TMEM11: variants seen among roughly 807,000 people sequenced by gnomAD.
TMEM11 encodes the protein transmembrane protein 11, mitochondrial.
TMEM11 carries 1 observed loss-of-function variant against 17.0 expected under a neutral mutation model. That is an observed-to-expected ratio of 0.06 (90% confidence interval 0.02 to 0.28). TMEM11 has a LOEUF of 0.28. TMEM11 is among the 10% of genes least tolerant of loss of function. The probability of loss-of-function intolerance (pLI) is 1.00; values close to 1 mark genes in which losing one functional copy is unlikely to be tolerated. For synonymous variants in TMEM11, 122 were observed against 118.1 expected (o/e 1.03, Z -0.21); for missense variants, 172 against 252.9 (o/e 0.68, Z 2.17).
chr17:21,202,015 G>A (rs1177748845), intron 1 of TMEM11, among the ~76,000 whole-genome samples: 5 of 152,230 alleles, frequency 3.3e-5, no homozygotes, highest in Non-Finnish European at 4.4e-5. Flanking sequence ...GCTGAAGGCC[G>A]AGCAGTGCCC....
At chr17:21,208,214 A>G (rs773660805) in intron 1 of TMEM11, among the ~76,000 whole-genome samples, 11 of 150,250 alleles carry the variant, frequency 7.3e-5, no homozygotes, top group African/African-American at 1.5e-4. Flanking sequence ...GGATGGTCTC[A>G]ATCTCCTGAC....
intron 1 of TMEM11, among the ~76,000 whole-genome samples, chr17:21,207,686 C>T (rs1428231040): frequency 6.6e-6 from 1 of 151,278 alleles, no homozygotes; most frequent in East Asian, 2.0e-4. Flanking sequence ...TCAGGAGTTT[C>T]AGACCAGCCT....
rs1974840390 is a variant in TMEM11, at chr17:21,198,194, T to G, written c.*130A>C. The G allele has an allele frequency of 1.2e-5, 15 of 1,247,880 alleles. No individual in the cohort carries two copies. Among genetic ancestry groups the G allele is most frequent in the Admixed American group, 7.0e-5 (3 of 43,148 alleles). The allele number at this position is 1,247,880 out of a possible 1,614,324, so 77.3% of individuals were successfully genotyped here. ...CCTGGGTACACCCGTGATCTGTTAT[T>G]TTTTAAAAATAACAAATACTAAGCC... On this transcript the variant is annotated 3_prime_UTR_variant, in exon 2 of 2. Transcript: ENST00000317635. The surrounding 1 kb of genome is among the most constrained non-coding windows in gnomAD (Gnocchi z 6.5).
At chr17:21,203,481 C>G (rs1432318559) in intron 1 of TMEM11, among the ~76,000 whole-genome samples, 1 of 137,758 alleles carries the variant, frequency 7.3e-6, no homozygotes, top group African/African-American at 2.5e-5. Flanking sequence ...CTTTGGGAGG[C>G]AAAGGTGTGC....
chr17:21,211,754 A>G (rs1222799171), intron 1 of TMEM11, among the ~76,000 whole-genome samples: 1 of 152,196 alleles, frequency 6.6e-6, no homozygotes, highest in African/African-American at 2.4e-5. Flanking sequence ...CCCAAACCAG[A>G]TAATGTTTCC....
At chr17:21,212,261 C>A (rs562436415) in intron 1 of TMEM11, among the ~76,000 whole-genome samples, 10 of 152,176 alleles carry the variant, frequency 6.6e-5, no homozygotes, top group African/African-American at 2.4e-4. Flanking sequence ...ACAACATCTG[C>A]GTGTGTGAGT....
intron 1 of TMEM11, among the ~76,000 whole-genome samples, chr17:21,204,648 AG>A (rs1974923335): frequency 6.6e-6 from 1 of 152,026 alleles, no homozygotes; most frequent in African/African-American, 2.4e-5. Context: ...ACTGGTCACT[AG>A]GGAGGGAACT....
chr17:21,199,116 A>G (rs192264172), intron 1 of TMEM11, among the ~76,000 whole-genome samples: 1 of 151,530 alleles, frequency 6.6e-6, no homozygotes, highest in Non-Finnish European at 1.5e-5. Flanking sequence ...GTCAGGAGTT[A>G]GAGACCAGCC....
chr17:21,209,256 G>GATTC (rs1974976911), intron 1 of TMEM11, among the ~76,000 whole-genome samples: 1 of 152,202 alleles, frequency 6.6e-6, no homozygotes, highest in African/African-American at 2.4e-5. Context: ...CGAGAGGGTG[G>GATTC]ATTCAAGTTC....
intron 1 of TMEM11, among the ~76,000 whole-genome samples, chr17:21,209,028 G>T (rs923680055): frequency 6.6e-6 from 1 of 152,242 alleles, no homozygotes; most frequent in African/African-American, 2.4e-5. Flanking sequence ...GGGACCCACA[G>T]AAAGCAGAGG....
chr17:21,199,258 C>T (rs920572684), intron 1 of TMEM11, among the ~76,000 whole-genome samples: 2 of 135,298 alleles, frequency 1.5e-5, no homozygotes, highest in African/African-American at 5.7e-5. Context: ...ACCTGGGAGG[C>T]GGAGCTTGCA....
chr17:21,203,091 C>A (rs1974900200), intron 1 of TMEM11, among the ~76,000 whole-genome samples: 1 of 152,194 alleles, frequency 6.6e-6, no homozygotes, highest in Non-Finnish European at 1.5e-5. Context: ...GCTTTTAAAG[C>A]CAGTTAGGCA....
intron 1 of TMEM11, among the ~76,000 whole-genome samples, chr17:21,205,474 G>GT (rs1267906655): frequency 1.3e-5 from 2 of 152,136 alleles, no homozygotes; most frequent in African/African-American, 4.8e-5. Flanking sequence ...GGCAGGCCAG[G>GT]GTAACGCTAG....
chr17:21,212,712 T>C (rs1236108620), intron 1 of TMEM11, among the ~76,000 whole-genome samples: 1 of 152,266 alleles, frequency 6.6e-6, no homozygotes, highest in Non-Finnish European at 1.5e-5. Context: ...TCGGCTCTTT[T>C]CAGATGCTTT....
At chr17:21,210,896 T>C in intron 1 of TMEM11, 1 of 1,246,454 alleles carries the variant, frequency 8.0e-7, no homozygotes, top group South Asian at 1.3e-5. Flanking sequence ...CTTCACGTGA[T>C]TATAAAAACA....
At chr17:21,213,937 G>T in intron 1 of TMEM11, 154 bp downstream of exon 1, 1 of 718,254 alleles carries the variant, frequency 1.4e-6, no homozygotes, top group South Asian at 1.9e-5. Flanking sequence ...CCCGGATCCC[G>T]GATCCTCCGG....
chr17:21,209,970 A>C (rs1270944887), intron 1 of TMEM11, among the ~76,000 whole-genome samples: 1 of 152,178 alleles, frequency 6.6e-6, no homozygotes, highest in African/African-American at 2.4e-5. Context: ...TGCTGGCACC[A>C]GGGCGGAACA....
chr17:21,204,051 G>A (rs1424341963), intron 1 of TMEM11, among the ~76,000 whole-genome samples: 2 of 141,224 alleles, frequency 1.4e-5, no homozygotes, highest in Non-Finnish European at 3.0e-5. Context: ...GGCTTCCTAA[G>A]GGACTGTATT....
intron 1 of TMEM11, among the ~76,000 whole-genome samples, chr17:21,199,954 C>A (rs1053031847): frequency 2.0e-5 from 3 of 152,272 alleles, no homozygotes; most frequent in Non-Finnish European, 4.4e-5. Context: ...GCCACCAATT[C>A]TGGCCCTGTA....
Sources: allele counts gnomAD v4.1 joint callset (sites outside exome capture counted in the v4.1 genomes callset), GRCh38; gene constraint gnomAD v4.1.1; non-coding constraint Gnocchi (gnomAD v3.1); transcripts MANE v1.5; gene names NCBI Gene and HGNC (gene_info 2026-07-23, HGNC 2026-07-21).